Variants in LRP4 observed in about 807,000 individuals in gnomAD.
The protein encoded by LRP4 is LDL receptor related protein 4.
LRP4 carries 95 observed loss-of-function variants against 220.3 expected under a neutral mutation model. That is an observed-to-expected ratio of 0.43 (90% confidence interval 0.37 to 0.51). The LOEUF is 0.51. LRP4 is among the 20% of genes least tolerant of loss of function. The probability of loss-of-function intolerance (pLI) is 0.00; values close to 1 mark genes in which losing one functional copy is unlikely to be tolerated. For synonymous variants in LRP4, 903 were observed against 954.6 expected, an observed-to-expected ratio of 0.95 and a Z score of 1.00; for missense variants, 1,925 against 2,567.0, an observed-to-expected ratio of 0.75 and a Z score of 5.40.
intron 1 of LRP4, among the ~76,000 whole-genome samples, chr11:46,906,325 G>A (rs191107750): frequency 8.5e-5 from 13 of 152,138 alleles, no homozygotes; most frequent in African/African-American, 1.9e-4. Context: ...GCGTGGTGGC[G>A]CACGCCTGTA....
chr11:46,876,972 A>G (rs1026185713), intron 23 of LRP4, 142 bp from the exon 24 acceptor site: 1 of 867,600 alleles, frequency 1.2e-6, no homozygotes, highest in African/African-American at 1.7e-5. Flanking sequence ...ACGCAGAAAT[A>G]TCATAGCAGG....
intron 7 of LRP4, among the ~76,000 whole-genome samples, chr11:46,897,764 T>C: frequency 6.6e-6 from 1 of 152,248 alleles, no homozygotes; most frequent in Non-Finnish European, 1.5e-5. Context: ...AAGTCTCCCA[T>C]GTATACTTCT....
rs1592505200 is a variant in LRP4, at chr11:46,858,460, T to G, written c.*523A>C. On this transcript the variant is annotated 3_prime_UTR_variant, in exon 38 of 38. Coordinates refer to ENST00000378623, the MANE Select transcript of LRP4 (RefSeq NM_002334.4). ...TTACTAACACACTTGAGGCTGGAGG[T>G]TTCCCAGATGCCCATACCTGCTGGG... The G allele has an allele frequency of 1.1e-5, 2 of 188,122 alleles. No homozygotes were observed. The highest frequency in any genetic ancestry group is 1.2e-4 in the East Asian group (1 of 8,240). 11.7% of individuals were successfully genotyped at this position (188,122 alleles called of 1,614,324 possible).
rs776113514 is a variant in LRP4 at position 46,867,972 on chromosome 11, T to A, written c.5087+7A>T. On this transcript the variant is annotated splice_region_variant and intron_variant, in intron 34 of 37. Coordinates refer to ENST00000378623, the MANE Select transcript of LRP4 (RefSeq NM_002334.4). ...AGGGCCCATGATCCTGCATTGAACCTATTTACCTTCCTTCCACCTCCTCCA... is the reference window on the plus strand; with the variant it reads ...AGGGCCCATGATCCTGCATTGAACCAATTTACCTTCCTTCCACCTCCTCCA... 6.2e-7 allele frequency: 1 copy of A among 1,614,140 alleles called. No homozygotes were observed. Among genetic ancestry groups the A allele is most frequent in the South Asian group, 1.1e-5 (1 of 91,078 alleles).
intron 30 of LRP4, 163 bp downstream of exon 30, chr11:46,872,937 A>G: frequency 9.4e-7 from 1 of 1,067,480 alleles, no homozygotes; most frequent in Non-Finnish European, 1.4e-6. Context: ...GGCTGGATTT[A>G]GCAATCGCTG....
At position 46,886,463 on chromosome 11, in the gene LRP4, C is replaced by A. The variant is rs369528634; in HGVS notation, c.2286G>T (p.Leu762=). 1.5e-5 allele frequency: 25 copies of A among 1,614,038 alleles called. No individual in the cohort carries two copies. The highest frequency in any genetic ancestry group is 2.1e-5 in the Non-Finnish European group (25 of 1,180,032). The change falls in exon 17 of 38, where the codon CTG becomes CTT. Residue 762 remains leucine, a synonymous_variant. Coordinates refer to ENST00000378623, the MANE Select transcript of LRP4 (RefSeq NM_002334.4). ...CAGCCAGTGGGATGACATCATCAGA[C>A]AGGTCCTCTGTGTCAAAGCTGATTC... The part of the protein sequence containing the change: ...IRRISFDTED[L]SDDVIPLADV...
chr11:46,889,629 G>C, intron 15 of LRP4, 96 bp from the exon 16 acceptor site: 1 of 1,515,262 alleles, frequency 6.6e-7, no homozygotes, highest in East Asian at 2.3e-5. Flanking sequence ...ATAGTTCCCT[G>C]AAGGGAGAAA....
intron 32 of LRP4, 107 bp from the exon 33 acceptor site, chr11:46,868,820 G>A: frequency 8.2e-7 from 1 of 1,223,780 alleles, no homozygotes; most frequent in Non-Finnish European, 1.2e-6. Flanking sequence ...CCCAGGGACA[G>A]GGGAGGAGGA....
At chr11:46,885,884 C>T (rs1941280455) in intron 18 of LRP4, among the ~76,000 whole-genome samples, 1 of 152,138 alleles carries the variant, frequency 6.6e-6, no homozygotes, top group Admixed American at 6.5e-5. Context: ...AGCTACACAG[C>T]AGAAGCAGCT....
chr11:46,859,858 C>G (rs1940493588), intron 37 of LRP4, among the ~76,000 whole-genome samples: 1 of 152,120 alleles, frequency 6.6e-6, no homozygotes, highest in Admixed American at 6.5e-5. Flanking sequence ...GGATTTTAAG[C>G]TACTTCGGGT....
intron 8 of LRP4, 130 bp downstream of exon 8, chr11:46,896,739 G>T: frequency 7.3e-7 from 1 of 1,375,368 alleles, no homozygotes; most frequent in Non-Finnish European, 1.0e-6. Flanking sequence ...AAGGCCGCAG[G>T]TCAATGATGC....
chr11:46,910,416 G>A (rs1941839687), intron 1 of LRP4, among the ~76,000 whole-genome samples: 1 of 152,168 alleles, frequency 6.6e-6, no homozygotes, highest in South Asian at 2.1e-4. Context: ...TAGCATTACT[G>A]CCTGGCACAT....
At chr11:46,889,763 G>A (rs1941380613) in intron 15 of LRP4, 181 bp downstream of exon 15, 5 of 845,924 alleles carry the variant, frequency 5.9e-6, no homozygotes, top group South Asian at 3.1e-5. Context: ...GAATCTTTTC[G>A]TGAATCTTGT....
intron 18 of LRP4, 83 bp downstream of exon 18, chr11:46,886,008 C>T (rs1941285725): frequency 8.5e-7 from 1 of 1,172,352 alleles, no homozygotes; most frequent in South Asian, 1.2e-5. Context: ...AGGAGAGACA[C>T]TGGGCTCCTT....
intron 1 of LRP4, 80 bp from the exon 2 acceptor site, chr11:46,903,009 CT>C: frequency 3.8e-6 from 6 of 1,570,234 alleles, no homozygotes. Flanking sequence ...GTAGAGGAGC[CT>C]AGTCCAGGGG....
chr11:46,896,552 A>G (rs755032793), intron 8 of LRP4, among the ~76,000 whole-genome samples: 1 of 152,214 alleles, frequency 6.6e-6, no homozygotes, highest in African/African-American at 2.4e-5. Context: ...ATGGAACAGA[A>G]TGAAAAAGTG....
chr11:46,859,091 C>T lies in LRP4; in HGVS notation c.5610G>A (p.Gln1870=), dbSNP rs772708591. 7 of 1,614,160 alleles carry T rather than the reference C, an allele frequency of 4.3e-6. No homozygotes were observed. The highest frequency in any genetic ancestry group is 5.9e-6 in the Non-Finnish European group (7 of 1,180,004). The change falls in exon 38 of 38, where the codon CAG becomes CAA. Residue 1870 remains glutamine (Q), a synonymous_variant. Transcript: ENST00000378623. Reference sequence around the variant, plus strand: ...CAGTATGGACGCTGCTACACTCAGACTGCTCTTCCTGTAACAGCTGCTCCG... The same window carrying T: ...CAGTATGGACGCTGCTACACTCAGATTGCTCTTCCTGTAACAGCTGCTCCG... ...TETEQLLQEE[Q]SECSSVHTAA...
At chr11:46,865,666 A>T (rs1486241746) in intron 34 of LRP4, among the ~76,000 whole-genome samples, 1 of 152,220 alleles carries the variant, frequency 6.6e-6, no homozygotes, top group Non-Finnish European at 1.5e-5. Context: ...AACTAACTTG[A>T]AATGCTCAGA....
At chr11:46,862,824 T>C in intron 36 of LRP4, 77 bp from the exon 37 acceptor site, 3 of 1,326,314 alleles carry the variant, frequency 2.3e-6, no homozygotes, top group African/African-American at 1.4e-5. Context: ...AAACTGAGTC[T>C]GGTAGGCAGC....
Sources: gnomAD v4.1 joint callset for allele counts (sites outside exome capture counted in the v4.1 genomes callset) on GRCh38, gnomAD v4.1.1 for gene constraint, MANE v1.5 for transcripts, NCBI Gene and HGNC (gene_info 2026-07-23, HGNC 2026-07-21) for gene names.